The following CACNA1D variants were observed in gnomAD, a reference collection of about 807,000 sequenced individuals.
The protein encoded by CACNA1D is calcium voltage-gated channel subunit alpha1 D, also known as voltage-dependent L-type calcium channel subunit alpha-1D.
In CACNA1D, 55 loss-of-function variants were observed where a neutral mutation model predicts 257.1. The observed-to-expected ratio is 0.21, with a 90% CI of 0.17 to 0.27. The LOEUF is 0.27. Among genes scored for constraint, CACNA1D ranks in the 10% least tolerant of loss-of-function variants. The probability of loss-of-function intolerance (pLI) is 1.00; values close to 1 mark genes in which losing one functional copy is unlikely to be tolerated. For missense variants in CACNA1D, 1,876 were observed against 2,784.0 expected (o/e 0.67, Z 7.34); for synonymous variants, 980 against 1,014.9 (o/e 0.97, Z 0.65).
chr3:53,675,363 A>G (rs2094364882), intron 8 of CACNA1D, among the ~76,000 whole-genome samples: 1 of 152,238 alleles, frequency 6.6e-6, no homozygotes, highest in African/African-American at 2.4e-5. Context: ...GAGAAATAAC[A>G]TCGCATTTGA....
In CACNA1D at chr3:53,556,711, C is replaced by CT. The variant is rs552111245; in HGVS notation, c.483+55003dup. ...GTCTTTCTATTATCTCTCTTGCTCT[C>CT]TTTTTTTTTTTTAATTTTTTTTTGA... On this transcript the variant is annotated intron_variant, in intron 3 of 47. Coordinates refer to ENST00000350061, the MANE Select transcript of CACNA1D (RefSeq NM_001128840.3). Among the ~76,000 whole-genome samples, 183 of 144,496 alleles carry CT rather than the reference C, an allele frequency of 1.3e-3. 1 individual carries two copies. The South Asian group carries it at 0.017, about 13-fold the overall frequency. The allele number at this position is 144,496 out of a possible 152,430, so 94.8% of individuals were successfully genotyped here. A position where few individuals can be genotyped will look rare whatever the true frequency, so the allele number is the denominator to read the frequency against.
chr3:53,802,508 C>T (rs1273273648), intron 43 of CACNA1D, among the ~76,000 whole-genome samples: 1 of 152,234 alleles, frequency 6.6e-6, no homozygotes, highest in Non-Finnish European at 1.5e-5. Context: ...GCTCCGGCTG[C>T]TCTCTGGGGT....
chr3:53,810,169 C>A lies in CACNA1D; in HGVS notation c.6063C>A (p.Arg2021=). Residue 2021 remains arginine, a synonymous_variant, in exon 47 of 48, where the codon CGC becomes CGA. Coordinates refer to ENST00000350061, the MANE Select transcript of CACNA1D (RefSeq NM_001128840.3). ...QVNGSLPSLH[R]SSWYTDEPDI... is the part of the protein sequence containing the mutation. ...ACGGCAGCCTGCCGTCCCTGCACCGCAGCTCCTGGTACACAGACGAGCCCG... is the reference window on the plus strand; with the variant it reads ...ACGGCAGCCTGCCGTCCCTGCACCGAAGCTCCTGGTACACAGACGAGCCCG... 6.2e-7 allele frequency: 1 copy of A among 1,614,018 alleles called. No individual in the cohort carries two copies. The highest frequency in any genetic ancestry group is 8.5e-7 in the Non-Finnish European group (1 of 1,180,044).
At chr3:53,650,117 G>A (rs1044237440) in intron 3 of CACNA1D, among the ~76,000 whole-genome samples, 1 of 152,218 alleles carries the variant, frequency 6.6e-6, no homozygotes. Flanking sequence ...AGTGCATGAT[G>A]ACCTGTCACA....
intron 3 of CACNA1D, among the ~76,000 whole-genome samples, chr3:53,611,787 T>G (rs963804440): frequency 8.5e-5 from 13 of 152,190 alleles, no homozygotes; most frequent in South Asian, 2.1e-4. Flanking sequence ...ATAAGCAAAT[T>G]TTTTTCTATA....
intron 7 of CACNA1D, among the ~76,000 whole-genome samples, chr3:53,672,816 G>GTGTT (rs1576307499): frequency 9.3e-6 from 1 of 107,382 alleles, no homozygotes; most frequent in East Asian, 2.8e-4. Flanking sequence ...GTGTGTGTGT[G>GTGTT]TGTATGGATG....
intron 9 of CACNA1D, among the ~76,000 whole-genome samples, chr3:53,708,556 A>G (rs1026665727): frequency 1.1e-4 from 16 of 152,190 alleles, no homozygotes; most frequent in African/African-American, 3.6e-4. Context: ...AAGTGCCTGC[A>G]TGTCTGCCAT....
In CACNA1D at chr3:53,665,683, A is replaced by C; in HGVS notation, c.790A>C (p.Ile264Leu). ...VPSLQVVLNS[I>L]IKAMVPLLHI... ...AGGTTTACAAGTTGTCCTGAACTCC[A>C]TTATAAAAGCCATGGTTCCCCTCCT... Residue 264 changes from isoleucine (I) to leucine (L), a missense_variant, in exon 6 of 48, where the codon ATT (isoleucine) becomes CTT (leucine). By Grantham distance (5) the Ile-to-Leu change is conservative. Transcript: ENST00000350061. 1 of 1,613,218 alleles carries C rather than the reference A, an allele frequency of 6.2e-7. No individual in the cohort carries two copies. Among genetic ancestry groups the C allele is most frequent in the South Asian group, 1.1e-5 (1 of 91,056 alleles).
At chr3:53,709,247 G>A (rs987933533) in intron 9 of CACNA1D, among the ~76,000 whole-genome samples, 2 of 152,220 alleles carry the variant, frequency 1.3e-5, no homozygotes, top group Non-Finnish European at 2.9e-5. Flanking sequence ...CAAAGGCTGT[G>A]GGTGAATACA....
intron 28 of CACNA1D, among the ~76,000 whole-genome samples, chr3:53,752,393 G>T (rs1559625427): frequency 6.6e-6 from 1 of 152,116 alleles, no homozygotes; most frequent in East Asian, 1.9e-4. Flanking sequence ...CAGACACTTT[G>T]TTTTTTATTT....
rs766424529 is a variant in CACNA1D at position 53,495,206 on chromosome 3, C to T, written c.40C>T (p.Arg14Trp). The change falls in exon 1 of 48, where the codon CGG becomes TGG. Residue 14 changes from arginine to tryptophan, a missense_variant. This residue lies in a region of CACNA1D where 143 missense variants were observed against 168.7 expected (regional missense o/e 0.85). Coordinates refer to ENST00000350061, the MANE Select transcript of CACNA1D (RefSeq NM_001128840.3). The surrounding 1 kb of genome is among the most constrained non-coding windows in gnomAD (Gnocchi z 5.1). ...MMMMKKMQHQ[R>W]QQQADHANEA... Reference sequence around the variant, plus strand: ...GATGATGAAAAAAATGCAGCATCAACGGCAGCAGCAAGCGGACCACGCGAA... The same window carrying T: ...GATGATGAAAAAAATGCAGCATCAATGGCAGCAGCAAGCGGACCACGCGAA... 1.1e-5 allele frequency: 17 copies of T among 1,613,136 alleles called. No homozygotes were observed. Among genetic ancestry groups the T allele is most frequent in the African/African-American group, 6.7e-5 (5 of 74,874 alleles).
intron 3 of CACNA1D, among the ~76,000 whole-genome samples, chr3:53,586,158 C>T (rs978761240): frequency 5.9e-5 from 9 of 152,114 alleles, no homozygotes; most frequent in African/African-American, 1.4e-4. Context: ...TGGCTGGATG[C>T]CCTGTTGAGA....
At chr3:53,608,681 A>G (rs1015336361) in intron 3 of CACNA1D, among the ~76,000 whole-genome samples, 1 of 152,194 alleles carries the variant, frequency 6.6e-6, no homozygotes, top group African/African-American at 2.4e-5. Flanking sequence ...AGCTTTTACC[A>G]TGAGTAGTTA....
intron 3 of CACNA1D, among the ~76,000 whole-genome samples, chr3:53,631,859 C>T (rs2093825439): frequency 6.6e-6 from 1 of 152,210 alleles, no homozygotes; most frequent in Admixed American, 6.5e-5. Flanking sequence ...TTTTTCTGAG[C>T]AGTAGGTCTC....
intron 8 of CACNA1D, among the ~76,000 whole-genome samples, chr3:53,683,929 G>A (rs75940076): frequency 0.086 from 13,156 of 152,148 alleles, 778 homozygotes; most frequent in Middle Eastern, 0.16. Flanking sequence ...GATCCAAAAG[G>A]CCCAACAAAC....
Position 53,774,963 on chromosome 3 carries a change from G to A in CACNA1D, c.4202+285G>A, listed in dbSNP as rs1317796546. On this transcript the variant is annotated intron_variant, in intron 34 of 47. Transcript: ENST00000350061. The surrounding 1 kb of genome is among the most constrained non-coding windows in gnomAD (Gnocchi z 4.3). ...TACTTAGGCCACCTGAAAAATTGTA[G>A]GATGTACGTTTATGCATGGAGGCAT... Among the ~76,000 whole-genome samples, 2 of 152,146 alleles carry A rather than the reference G, an allele frequency of 1.3e-5. No homozygotes were observed. Among genetic ancestry groups the A allele is most frequent in the African/African-American group, 2.4e-5 (1 of 41,416 alleles).
chr3:53,530,969 TC>T (rs1464986906), intron 3 of CACNA1D, among the ~76,000 whole-genome samples: 3 of 151,534 alleles, frequency 2.0e-5, no homozygotes, highest in Non-Finnish European at 1.5e-5. Context: ...TACCTCAGCC[TC>T]CCGAGTAGCT....
intron 14 of CACNA1D, 69 bp from the exon 15 acceptor site, chr3:53,726,810 G>C: frequency 1.2e-6 from 2 of 1,609,566 alleles, no homozygotes; most frequent in Non-Finnish European, 1.7e-6. Context: ...GGCAGCCACC[G>C]AGGGGCTCTA....
intron 3 of CACNA1D, among the ~76,000 whole-genome samples, chr3:53,565,438 A>G (rs1304463696): frequency 6.6e-6 from 1 of 152,166 alleles, no homozygotes; most frequent in African/African-American, 2.4e-5. Flanking sequence ...AGCAGATATA[A>G]TTTCATTTGA....
Sources: gnomAD v4.1 joint callset for allele counts (sites outside exome capture counted in the v4.1 genomes callset) on GRCh38, gnomAD v4.1.1 for gene constraint, gnomAD v4.1.1 regional missense constraint, Gnocchi (gnomAD v3.1) non-coding constraint, MANE v1.5 for transcripts, NCBI Gene and HGNC (gene_info 2026-07-23, HGNC 2026-07-21) for gene names.